Variants in RAPGEF6 observed in about 807,000 individuals in gnomAD.
The protein encoded by RAPGEF6 is Rap guanine nucleotide exchange factor 6.
RAPGEF6 carries 56 observed loss-of-function variants against 171.4 expected under a neutral mutation model. That is an observed-to-expected ratio of 0.33 (90% confidence interval 0.26 to 0.41). RAPGEF6 has a LOEUF of 0.41. Among genes scored for constraint, RAPGEF6 ranks in the 10% least tolerant of loss-of-function variants. The pLI is 1.00. For missense variants in RAPGEF6, 1,674 were observed against 1,921.4 expected (o/e 0.87, Z 2.41); for synonymous variants, 692 against 650.1 (o/e 1.06, Z -0.98).
At chr5:131,533,771 GA>G (rs1039145861) in intron 6 of RAPGEF6, among the ~76,000 whole-genome samples, 3 of 151,884 alleles carry the variant, frequency 2.0e-5, no homozygotes, top group African/African-American at 7.3e-5. Context: ...TGAATTCCTA[GA>G]AAAAGACAAG....
chr5:131,489,712 C>A, intron 14 of RAPGEF6, 58 bp from the exon 15 acceptor site: 6 of 913,728 alleles, frequency 6.6e-6, no homozygotes, highest in East Asian at 2.9e-5. Flanking sequence ...ACTCCTACAA[C>A]CTTAAAAGTT....
At chr5:131,439,794 T>A in intron 23 of RAPGEF6, 79 bp from the exon 24 acceptor site, 1 of 1,543,356 alleles carries the variant, frequency 6.5e-7, no homozygotes, top group Non-Finnish European at 8.7e-7. Context: ...ACTACATAAC[T>A]AACACTATGA....
Position 131,605,024 on chromosome 5 carries a change from A to G in RAPGEF6, c.70-331T>C, listed in dbSNP as rs1042308941. Among the ~76,000 whole-genome samples the G allele has an allele frequency of 7.9e-5, 12 of 152,184 alleles. No homozygotes were observed. The East Asian group carries it at 2.3e-3, about 29-fold the overall frequency. On this transcript the variant is annotated intron_variant, in intron 1 of 27. Transcript: ENST00000509018. ...TTTCCTTCTTTAGTGGCCTCCAAAT[A>G]TTTGATATCCAATATCCTGGCTGAC...
chr5:131,543,055 A>G (rs1760261916), intron 6 of RAPGEF6, among the ~76,000 whole-genome samples: 1 of 152,186 alleles, frequency 6.6e-6, no homozygotes, highest in African/African-American at 2.4e-5. Flanking sequence ...CAGAAAATTC[A>G]ATTAAACAGG....
At chr5:131,617,509 G>A (rs1031274877) in intron 1 of RAPGEF6, among the ~76,000 whole-genome samples, 3 of 152,188 alleles carry the variant, frequency 2.0e-5, no homozygotes, top group Non-Finnish European at 4.4e-5. Flanking sequence ...CTGGAGTGTA[G>A]TGTTACGATC....
chr5:131,495,797 C>G (rs916257311), intron 12 of RAPGEF6, 137 bp from the exon 13 acceptor site: 2 of 1,312,876 alleles, frequency 1.5e-6, no homozygotes, highest in Non-Finnish European at 2.0e-6. Context: ...AAGGCTCATT[C>G]TAACAGAAAG....
intron 5 of RAPGEF6, among the ~76,000 whole-genome samples, chr5:131,561,409 G>C (rs575446931): frequency 6.6e-6 from 1 of 152,216 alleles, no homozygotes; most frequent in African/African-American, 2.4e-5. Context: ...TGTAATCTCA[G>C]CACTTTGGGA....
intron 1 of RAPGEF6, among the ~76,000 whole-genome samples, chr5:131,612,809 A>G (rs1284015874): frequency 6.6e-6 from 1 of 152,172 alleles, no homozygotes; most frequent in Non-Finnish European, 1.5e-5. Flanking sequence ...CTCCTTTCTC[A>G]AGTTACAGGA....
At chr5:131,455,279 GAC>G (rs1753399741) in intron 20 of RAPGEF6, among the ~76,000 whole-genome samples, 1 of 152,178 alleles carries the variant, frequency 6.6e-6, no homozygotes, top group South Asian at 2.1e-4. Context: ...TTATTTTTGA[GAC>G]AGAGTCTCGC....
At chr5:131,600,998 T>G (rs550484016) in intron 3 of RAPGEF6, among the ~76,000 whole-genome samples, 1 of 151,102 alleles carries the variant, frequency 6.6e-6, no homozygotes, top group African/African-American at 2.4e-5. Context: ...GGCGTATGCC[T>G]GTAATCCTCG....
intron 4 of RAPGEF6, among the ~76,000 whole-genome samples, chr5:131,573,975 A>G (rs1408192039): frequency 2.0e-5 from 3 of 152,200 alleles, no homozygotes; most frequent in Non-Finnish European, 2.9e-5. Context: ...AAGGTGTTCA[A>G]TAACAGAGAA....
intron 4 of RAPGEF6, among the ~76,000 whole-genome samples, chr5:131,568,612 T>C (rs1762092165): frequency 6.6e-6 from 1 of 152,172 alleles, no homozygotes; most frequent in Non-Finnish European, 1.5e-5. Context: ...AGCCACACTG[T>C]ACCTGGCTGA....
In RAPGEF6 at chr5:131,517,780, T is replaced by TACACAC. The variant is rs36091456; in HGVS notation, c.627+3604_627+3609dup. ...ATCTGATTGGAAACATTCGCGCATG[T>TACACAC]ACACACACACACACACACACACACA... is the stretch of plus-strand genomic sequence containing the variant. On this transcript the variant is annotated intron_variant, in intron 7 of 27. Coordinates refer to ENST00000509018, the MANE Select transcript of RAPGEF6 (RefSeq NM_016340.6). 6.7e-3 allele frequency among the ~76,000 whole-genome samples: 937 copies of TACACAC among 140,482 alleles called. 21 individuals are homozygous for TACACAC. The highest frequency in any genetic ancestry group is 0.032 in the East Asian group (149 of 4,676). The allele number at this position is 140,482 out of a possible 152,430, so 92.2% of individuals were successfully genotyped here.
intron 6 of RAPGEF6, among the ~76,000 whole-genome samples, chr5:131,536,335 G>C (rs1156817609): frequency 1.3e-5 from 2 of 152,088 alleles, no homozygotes; most frequent in Admixed American, 1.3e-4. Flanking sequence ...CATCTGAAAT[G>C]CATCTTTGCA....
intron 4 of RAPGEF6, among the ~76,000 whole-genome samples, chr5:131,577,626 C>G (rs1244272008): frequency 6.6e-6 from 1 of 152,070 alleles, no homozygotes. Context: ...GAATCTGATC[C>G]CTCAAACTCT....
chr5:131,469,682 T>C, intron 17 of RAPGEF6: 3 of 693,462 alleles, frequency 4.3e-6, no homozygotes, highest in Non-Finnish European at 6.7e-6. Context: ...ACCTTCTAAG[T>C]GGAAAGAAAA....
chr5:131,632,187 C>T (rs1278794116), intron 1 of RAPGEF6, among the ~76,000 whole-genome samples: 1 of 151,818 alleles, frequency 6.6e-6, no homozygotes. Context: ...CTATGCTATG[C>T]ATCATTATCT....
chr5:131,613,805 T>C (rs1420094593), intron 1 of RAPGEF6, among the ~76,000 whole-genome samples: 1 of 152,148 alleles, frequency 6.6e-6, no homozygotes, highest in Non-Finnish European at 1.5e-5. Flanking sequence ...ACCAAATTTT[T>C]ATTTTTCCAA....
chr5:131,557,020 TCA>T (rs1171466840), intron 5 of RAPGEF6, among the ~76,000 whole-genome samples: 2 of 152,130 alleles, frequency 1.3e-5, no homozygotes, highest in Non-Finnish European at 2.9e-5. Context: ...CAGTGGCTAT[TCA>T]CAGACAGGAA....
Sources: allele counts gnomAD v4.1 joint callset (sites outside exome capture counted in the v4.1 genomes callset), GRCh38; gene constraint gnomAD v4.1.1; transcripts MANE v1.5; gene names NCBI Gene and HGNC (gene_info 2026-07-23, HGNC 2026-07-21).